PARVG: variants seen among roughly 807,000 people sequenced by gnomAD.
PARVG encodes the protein parvin gamma, also known as gamma-parvin.
In PARVG, 36 loss-of-function variants were observed where a neutral mutation model predicts 44.4. The ratio of observed to expected loss-of-function variants is 0.81; its 90% CI spans 0.62 to 1.07. The LOEUF (loss-of-function observed/expected upper bound fraction) is 1.07, where lower values mean the gene tolerates loss of function less well. Ranked by LOEUF, PARVG falls within the 50% of genes least tolerant of loss-of-function variation. The pLI is 0.00. For missense variants in PARVG, 407 were observed against 407.4 expected (o/e 1.00, Z 0.01); for synonymous variants, 170 against 174.1 (o/e 0.98, Z 0.19).
At chr22:44,177,836 A>T (rs542905669), upstream of PARVG, among the ~76,000 whole-genome samples, 113 of 152,230 alleles carry the variant, frequency 7.4e-4, no homozygotes, top group Non-Finnish European at 1.4e-3. Context: ...ACTGCACTCC[A>T]GTCTGACAGA....
chr22:44,175,013 T>C (rs1187139671), intron 1 of PARVG, among the ~76,000 whole-genome samples: 1 of 152,160 alleles, frequency 6.6e-6, no homozygotes, highest in Non-Finnish European at 1.5e-5. Context: ...TCCCAGCTAC[T>C]AGGGAGGCTG....
intron 12 of PARVG, 146 bp from the exon 13 acceptor site, chr22:44,205,611 G>T (rs2054769728): frequency 1.2e-6 from 1 of 828,314 alleles, no homozygotes; most frequent in Non-Finnish European, 2.0e-6. Flanking sequence ...ACGGATTGTG[G>T]TCGTGGTCAG....
At chr22:44,187,662 A>G (rs1244351073) in intron 4 of PARVG, 114 bp from the exon 5 acceptor site, 3 of 933,544 alleles carry the variant, frequency 3.2e-6, no homozygotes, top group Non-Finnish European at 5.1e-6. Context: ...ACATTTGACC[A>G]GGCCTTGAAA....
intron 12 of PARVG, among the ~76,000 whole-genome samples, chr22:44,202,233 G>A (rs1374649645): frequency 6.6e-6 from 1 of 152,250 alleles, no homozygotes; most frequent in African/African-American, 2.4e-5. Context: ...AGATGGAGGG[G>A]TGGCAGGGCT....
intron 11 of PARVG, among the ~76,000 whole-genome samples, chr22:44,196,616 G>A (rs1016546274): frequency 2.7e-5 from 4 of 149,158 alleles, no homozygotes; most frequent in Admixed American, 2.0e-4. Context: ...CGGGGGTGGA[G>A]GTGTGGGAAC....
chr22:44,186,746 T>C (rs767140859), intron 4 of PARVG: 6 of 444,812 alleles, frequency 1.3e-5, no homozygotes, highest in African/African-American at 6.0e-5. Flanking sequence ...CCAGGGGTCA[T>C]GGGAGGGAAG....
intron 12 of PARVG, among the ~76,000 whole-genome samples, chr22:44,201,540 G>A (rs1031294101): frequency 1.3e-5 from 2 of 152,224 alleles, no homozygotes; most frequent in African/African-American, 4.8e-5. Context: ...GAGCAACGAG[G>A]CCGGGGCAGT....
At chr22:44,195,970 T>A in intron 9 of PARVG, 185 bp from the exon 10 acceptor site, 1 of 630,136 alleles carries the variant, frequency 1.6e-6, no homozygotes. Flanking sequence ...GTGACTCCCC[T>A]GGGGCCACAC....
chr22:44,186,926 T>C, intron 4 of PARVG: 2 of 319,954 alleles, frequency 6.3e-6, no homozygotes, highest in South Asian at 5.1e-5. Context: ...TGACAACCTT[T>C]AGTGAACAGC....
Position 44,196,139 on chromosome 22 carries a change from G to A in PARVG, c.584-16G>A. 1.2e-6 allele frequency: 2 copies of A among 1,614,018 alleles called. No homozygotes were observed. The highest frequency in any genetic ancestry group is 8.5e-7 in the Non-Finnish European group (1 of 1,179,918). On this transcript the variant is annotated splice_polypyrimidine_tract_variant and intron_variant, in intron 9 of 13. Transcript: ENST00000444313. ...ATAGCATCGTAATGAGGTGTTTATT[G>A]GATCTGTGTCTGCAGAGGACGTCTT... is the stretch of plus-strand genomic sequence containing the variant.
intron 11 of PARVG, among the ~76,000 whole-genome samples, chr22:44,197,665 C>T (rs150513371): frequency 3.9e-5 from 6 of 152,158 alleles, no homozygotes; most frequent in Non-Finnish European, 5.9e-5. Flanking sequence ...GCTGTGTGAC[C>T]TTGGGTGAGT....
In PARVG at chr22:44,183,413, G is replaced by A. The variant is rs2054415932; in HGVS notation, c.79+5G>A. Reference sequence around the variant, plus strand: ...CGGAGGAGGAGCTCTCAAAAGGTGTGTGCCCACGCAGGTCTGAGGGTGGAG... The same window carrying A: ...CGGAGGAGGAGCTCTCAAAAGGTGTATGCCCACGCAGGTCTGAGGGTGGAG... On this transcript the variant is annotated splice_donor_5th_base_variant and intron_variant, in intron 3 of 13. Coordinates refer to ENST00000444313, the MANE Select transcript of PARVG (RefSeq NM_022141.7). 3 of 1,594,696 alleles carry A rather than the reference G, an allele frequency of 1.9e-6. No homozygotes were observed. Among genetic ancestry groups the A allele is most frequent in the African/African-American group, 1.3e-5 (1 of 74,330 alleles).
At chr22:44,180,866 C>T, upstream of PARVG, 2 of 971,086 alleles carry the variant, frequency 2.1e-6, no homozygotes, top group Non-Finnish European at 2.4e-6. Flanking sequence ...GGGTAGATAG[C>T]TTCCCAGTCA....
At position 44,187,783 on chromosome 22, in the gene PARVG, T is replaced by A; in HGVS notation, c.152T>A (p.Met51Lys). 2 of 1,614,208 alleles carry A rather than the reference T, an allele frequency of 1.2e-6. No homozygotes were observed. Among genetic ancestry groups the A allele is most frequent in the Non-Finnish European group, 1.7e-6 (2 of 1,180,014 alleles). The change falls in exon 5 of 14, where the codon ATG becomes AAG. Residue 51 changes from methionine (M) to lysine (K), a missense_variant. By Grantham distance (95) the Met-to-Lys change is moderately conservative. Coordinates refer to ENST00000444313, the MANE Select transcript of PARVG (RefSeq NM_022141.7). ...TCCCCTTGGAGCCTGCAGGTGTTGA[T>A]GGAGTGGATCAATGCCACTCTTCTC... ...PKFEELQKVL[M>K]EWINATLLPE... is the part of the protein sequence containing the mutation.
At chr22:44,180,843 A>G, upstream of PARVG, 1 of 893,534 alleles carries the variant, frequency 1.1e-6, no homozygotes, top group Non-Finnish European at 1.3e-6. Context: ...CTTTCTGCCT[A>G]ACCTGTCAGA....
chr22:44,206,447 C>T lies in PARVG; in HGVS notation c.*21C>T, dbSNP rs777028417. The T allele has an allele frequency of 6.2e-7, 1 of 1,609,028 alleles. No individual in the cohort carries two copies. Among genetic ancestry groups the T allele is most frequent in the Admixed American group, 1.7e-5 (1 of 59,994 alleles). The stretch of plus-strand genomic sequence containing the variant: ...ATTGACCCTCACTGCCTCCAAAGCC[C>T]AGAGCCTGCCTGTCAGCCCAGCTGG... On this transcript the variant is annotated 3_prime_UTR_variant, in exon 14 of 14. Coordinates refer to ENST00000444313, the MANE Select transcript of PARVG (RefSeq NM_022141.7).
At chr22:44,195,643 G>A (rs888373076) in intron 9 of PARVG, among the ~76,000 whole-genome samples, 2 of 152,186 alleles carry the variant, frequency 1.3e-5, no homozygotes, top group Admixed American at 6.5e-5. Context: ...CTTGGGGGCG[G>A]GGGGAGGCAG....
At chr22:44,192,815 G>T (rs534275643) in intron 8 of PARVG, among the ~76,000 whole-genome samples, 1 of 152,152 alleles carries the variant, frequency 6.6e-6, no homozygotes, top group East Asian at 1.9e-4. Flanking sequence ...CTTGCTCCCC[G>T]CCCACTGGGA....
At chr22:44,176,845 G>A (rs531296504), upstream of PARVG, among the ~76,000 whole-genome samples, 97 of 152,258 alleles carry the variant, frequency 6.4e-4, 1 homozygote, top group African/African-American at 2.1e-3. Flanking sequence ...CACAATGATG[G>A]TGGAAGGCGA....
Sources: gnomAD v4.1 joint callset for allele counts (sites outside exome capture counted in the v4.1 genomes callset) on GRCh38, gnomAD v4.1.1 for gene constraint, MANE v1.5 for transcripts, NCBI Gene and HGNC (gene_info 2026-07-23, HGNC 2026-07-21) for gene names.